SRR: variants seen among roughly 807,000 people sequenced by gnomAD.
SRR encodes the protein D-serine ammonia-lyase.
SRR carries 19 observed loss-of-function variants against 32.7 expected under a neutral mutation model. That is an observed-to-expected ratio of 0.58 (90% CI 0.40 to 0.85). SRR has a LOEUF of 0.85. SRR is among the 40% of genes least tolerant of loss of function. SRR has a pLI of 0.00. For synonymous variants in SRR, 142 were observed against 140.9 expected (o/e 1.01, Z -0.06); for missense variants, 373 against 404.7 (o/e 0.92, Z 0.67).
chr17:2,303,567 G>A, upstream of SRR: 1 of 1,365,164 alleles, frequency 7.3e-7, no homozygotes. Context: ...CGGGGAGGAG[G>A]CAGAGGAGGA....
At chr17:2,311,037 C>T (rs36113682) in intron 1 of SRR, among the ~76,000 whole-genome samples, 87,922 of 151,036 alleles carry the variant, frequency 0.58, 25,961 homozygotes, top group East Asian at 0.68. Context: ...TGACCCACCA[C>T]GCCCGGCCAA....
intron 6 of SRR, 32 bp downstream of exon 6, chr17:2,321,648 A>G (rs767356341): frequency 9.4e-6 from 15 of 1,598,712 alleles, no homozygotes; most frequent in Non-Finnish European, 7.7e-6. Flanking sequence ...CCCTGCTTCA[A>G]GCAGAGGATT....
intron 1 of SRR, among the ~76,000 whole-genome samples, chr17:2,305,091 T>A (rs1255664379): frequency 6.6e-6 from 1 of 152,180 alleles, no homozygotes; most frequent in Non-Finnish European, 1.5e-5. Flanking sequence ...TACGTGACAC[T>A]TTGTCACCGG....
chr17:2,304,091 A>T (rs1292682494), intron 1 of SRR, 74 bp downstream of exon 1: 2 of 182,002 alleles, frequency 1.1e-5, no homozygotes, highest in Non-Finnish European at 2.2e-5. Context: ...TGTCGTGGAC[A>T]CCAAGGACAC....
rs761368295 is a variant in SRR, at chr17:2,321,499, A to C, written c.520-43A>C. 8.7e-6 allele frequency: 14 copies of C among 1,612,500 alleles called. No homozygotes were observed. The South Asian group carries it at 1.5e-4, about 18-fold the overall frequency. On this transcript the variant is annotated intron_variant, in intron 5 of 7. Coordinates refer to ENST00000344595, the MANE Select transcript of SRR (RefSeq NM_021947.3). Reference sequence around the variant, plus strand: ...CTATATTCAATTATTTTATATGTATACATTAAATATAAAACTGCTTACAGT... The same window carrying C: ...CTATATTCAATTATTTTATATGTATCCATTAAATATAAAACTGCTTACAGT...
intron 3 of SRR, among the ~76,000 whole-genome samples, chr17:2,318,238 G>A (rs532662583): frequency 2.6e-5 from 4 of 152,014 alleles, no homozygotes; most frequent in Admixed American, 6.6e-5. Context: ...TCCACCTGCC[G>A]GGTTCAAGCG....
At chr17:2,315,960 CTT>C (rs1196600803) in intron 2 of SRR, among the ~76,000 whole-genome samples, 2 of 151,974 alleles carry the variant, frequency 1.3e-5, no homozygotes, top group African/African-American at 4.8e-5. Flanking sequence ...ATATATATAA[CTT>C]ATCCGAGTAA....
At position 2,324,401 on chromosome 17, in the gene SRR, C is replaced by A; in HGVS notation, c.*528C>A. 1 of 1,595,414 alleles carries A rather than the reference C, an allele frequency of 6.3e-7. No homozygotes were observed. The highest frequency in any genetic ancestry group is 1.1e-5 in the South Asian group (1 of 87,566). ...TAGAAAGACATCAGAACAAGTCGGT[C>A]AAATTAAAAGTAGAAAATTTTAAAG... On this transcript the variant is annotated 3_prime_UTR_variant, in exon 8 of 8. Coordinates refer to ENST00000344595, the MANE Select transcript of SRR (RefSeq NM_021947.3).
chr17:2,324,227 G>A lies in SRR; in HGVS notation c.*354G>A, dbSNP rs376000588. 65 of 1,528,174 alleles carry A rather than the reference G, an allele frequency of 4.3e-5. No homozygotes were observed. In the Middle Eastern group the frequency reaches 7.1e-4, roughly 17 times the overall value. The allele number at this position is 1,528,174 out of a possible 1,614,324, so 94.7% of individuals were successfully genotyped here. ...CATGCCCCCTTGAGGCACTGTTGAA[G>A]AAATCTCACTTTTCAGCCAGGGTAC... On this transcript the variant is annotated 3_prime_UTR_variant, in exon 8 of 8. Transcript: ENST00000344595.
intron 1 of SRR, among the ~76,000 whole-genome samples, chr17:2,304,633 T>C (rs1177775488): frequency 6.6e-6 from 1 of 151,644 alleles, no homozygotes; most frequent in Non-Finnish European, 1.5e-5. Context: ...TTGGGACCTG[T>C]AATCCCGGCG....
intron 1 of SRR, chr17:2,307,223 A>T: frequency 7.7e-7 from 1 of 1,302,378 alleles, no homozygotes; most frequent in Non-Finnish European, 1.1e-6. Context: ...ACCTTTGATG[A>T]TCATGACTCC....
intron 1 of SRR, among the ~76,000 whole-genome samples, chr17:2,304,268 T>TTTTTTTTTTCTTAAGAC (rs1220880351): frequency 6.7e-6 from 1 of 150,136 alleles, no homozygotes; most frequent in South Asian, 2.1e-4. Context: ...TTTTTTTAGT[T>TTTTTTTTTTCTTAAGAC]GGAGTCTCGC....
chr17:2,316,561 C>T (rs912430558), intron 2 of SRR, among the ~76,000 whole-genome samples: 15 of 152,176 alleles, frequency 9.9e-5, no homozygotes, highest in African/African-American at 3.4e-4. Flanking sequence ...CTGGGCCACA[C>T]GGCAAAACTC....
At chr17:2,308,455 T>G (rs2075409563) in intron 1 of SRR, among the ~76,000 whole-genome samples, 1 of 152,230 alleles carries the variant, frequency 6.6e-6, no homozygotes, top group African/African-American at 2.4e-5. Flanking sequence ...CAATTCAAAC[T>G]TAGCTAATCA....
chr17:2,318,429 C>G (rs924781148), intron 3 of SRR, among the ~76,000 whole-genome samples: 1 of 150,880 alleles, frequency 6.6e-6, no homozygotes, highest in Admixed American at 6.6e-5. Flanking sequence ...GGATTACAGG[C>G]GTGAGCCACC....
chr17:2,306,888 T>C (rs1406683263), intron 1 of SRR: 4 of 920,040 alleles, frequency 4.3e-6, no homozygotes, highest in Non-Finnish European at 7.1e-6. Context: ...TCGCGGACTG[T>C]GTGGTAATGA....
intron 4 of SRR, among the ~76,000 whole-genome samples, chr17:2,320,008 C>T (rs541367098): frequency 2.8e-4 from 42 of 149,430 alleles, no homozygotes; most frequent in African/African-American, 9.6e-4. Flanking sequence ...TTAGTAGAGA[C>T]GGGGTTTCAC....
At chr17:2,303,893 G>A (rs931842855), upstream of SRR, 3 of 527,132 alleles carry the variant, frequency 5.7e-6, no homozygotes, top group Middle Eastern at 4.8e-4. Context: ...GCCCGCCGCC[G>A]GTTCCAGAGG....
chr17:2,318,951 A>G, intron 4 of SRR, 22 bp downstream of exon 4: 1 of 1,515,448 alleles, frequency 6.6e-7, no homozygotes. Flanking sequence ...AGTGCTTGGT[A>G]CCACCTTAAC....
Sources: allele counts gnomAD v4.1 joint callset (sites outside exome capture counted in the v4.1 genomes callset), GRCh38; gene constraint gnomAD v4.1.1; transcripts MANE v1.5; gene names NCBI Gene and HGNC (gene_info 2026-07-23, HGNC 2026-07-21).